The following STXBP5L variants were observed in gnomAD, a reference collection of about 807,000 sequenced individuals.
The protein encoded by STXBP5L is syntaxin-binding protein 5-like.
Under a neutral mutation model 144.5 loss-of-function variants are expected in STXBP5L, and 65 were observed. That is an observed-to-expected ratio of 0.45 (90% CI 0.37 to 0.55). The LOEUF (loss-of-function observed/expected upper bound fraction) is 0.55, where lower values mean the gene tolerates loss of function less well. Ranked by LOEUF, STXBP5L falls within the 20% of genes least tolerant of loss-of-function variation. The pLI is 0.00. For missense variants in STXBP5L, 1,298 were observed against 1,405.5 expected (o/e 0.92, Z 1.22); for synonymous variants, 505 against 469.6 (o/e 1.08, Z -0.97).
At chr3:121,080,433 G>T (rs1429992999) in intron 5 of STXBP5L, among the ~76,000 whole-genome samples, 1 of 151,802 alleles carries the variant, frequency 6.6e-6, no homozygotes, top group Non-Finnish European at 1.5e-5. Context: ...TGAGATTTAT[G>T]CTTTAAGGGG....
intron 3 of STXBP5L, among the ~76,000 whole-genome samples, chr3:121,036,772 A>ATTTTTTTTTTTTTTTTTTT (rs3863971): frequency 4.1e-5 from 5 of 122,226 alleles, no homozygotes; most frequent in Non-Finnish European, 6.7e-5. Context: ...ACATTGATTG[A>ATTTTTTTTTTTTTTTTTTT]TTTTTTTTTT....
chr3:121,229,062 T>C (rs572377526), intron 11 of STXBP5L, among the ~76,000 whole-genome samples: 58 of 152,290 alleles, frequency 3.8e-4, no homozygotes, highest in African/African-American at 1.4e-3. Flanking sequence ...TAAGTTCCCA[T>C]TCATGAACCT....
intron 5 of STXBP5L, among the ~76,000 whole-genome samples, chr3:121,088,125 A>C (rs1259659511): frequency 1.3e-5 from 2 of 151,544 alleles, no homozygotes; most frequent in African/African-American, 4.9e-5. Flanking sequence ...TCTGCACAGC[A>C]AAAGAAACTA....
intron 5 of STXBP5L, among the ~76,000 whole-genome samples, chr3:121,093,458 T>C (rs1224427954): frequency 2.0e-5 from 3 of 152,244 alleles, no homozygotes; most frequent in Non-Finnish European, 4.4e-5. Flanking sequence ...GCTCCTGTTA[T>C]TGGTCTATTC....
At chr3:121,268,021 C>T (rs906504183) in intron 18 of STXBP5L, among the ~76,000 whole-genome samples, 2 of 152,086 alleles carry the variant, frequency 1.3e-5, no homozygotes, top group African/African-American at 4.8e-5. Flanking sequence ...GGATCTCAAA[C>T]CAGAAATATT....
chr3:121,336,726 C>T (rs2044520006), intron 20 of STXBP5L, among the ~76,000 whole-genome samples: 1 of 152,136 alleles, frequency 6.6e-6, no homozygotes, highest in Admixed American at 6.5e-5. Flanking sequence ...ACACATCTAA[C>T]ATCTGACTCA....
At chr3:121,330,643 CA>C (rs2044293755) in intron 20 of STXBP5L, among the ~76,000 whole-genome samples, 1 of 152,196 alleles carries the variant, frequency 6.6e-6, no homozygotes, top group Non-Finnish European at 1.5e-5. Context: ...ATTACCACCA[CA>C]GCTGTTGCTC....
intron 8 of STXBP5L, among the ~76,000 whole-genome samples, chr3:121,154,703 C>T (rs953713636): frequency 8.6e-5 from 13 of 151,686 alleles, no homozygotes; most frequent in African/African-American, 1.4e-4. Context: ...CCTTTACCTC[C>T]CTCTTGAACT....
chr3:120,990,879 A>G (rs1942786117), intron 3 of STXBP5L, among the ~76,000 whole-genome samples: 2 of 152,364 alleles, frequency 1.3e-5, no homozygotes, highest in African/African-American at 2.4e-5. Flanking sequence ...TAAAAACCCT[A>G]GAAGAAAACC....
At chr3:121,235,864 C>T (rs985090777) in intron 12 of STXBP5L, among the ~76,000 whole-genome samples, 3 of 150,850 alleles carry the variant, frequency 2.0e-5, no homozygotes, top group African/African-American at 7.3e-5. Flanking sequence ...CACACACACA[C>T]TATATTCTCT....
At chr3:121,299,719 G>T (rs1458937547) in intron 19 of STXBP5L, among the ~76,000 whole-genome samples, 3 of 151,978 alleles carry the variant, frequency 2.0e-5, no homozygotes, top group African/African-American at 7.3e-5. Flanking sequence ...AGGCATGGTG[G>T]TTCATGCCTG....
chr3:121,078,399 T>A (rs953336994), intron 5 of STXBP5L, among the ~76,000 whole-genome samples: 2 of 152,222 alleles, frequency 1.3e-5, no homozygotes, highest in African/African-American at 4.8e-5. Context: ...AATTGGTGTG[T>A]TTACAATCCC....
In STXBP5L at chr3:121,259,048, A is replaced by C. The variant is rs1481296948; in HGVS notation, c.1838A>C (p.Lys613Thr). ...TKDSIPCLNV[K>T]TRPVRMPPGY... ...GATTGTTTTTGTTCTTAAAGTGTGA[A>C]GACACGGCCAGTGCGAATGCCTCCA... Residue 613 changes from lysine to threonine, a missense_variant, in exon 18 of 27, where the codon AAG becomes ACG. By Grantham distance (78) the Lys-to-Thr change is moderately conservative. Coordinates refer to ENST00000471454, the MANE Select transcript of STXBP5L (RefSeq NM_001308330.2). The C allele has an allele frequency of 1.9e-6, 3 of 1,593,190 alleles. No homozygotes were observed. Among genetic ancestry groups the C allele is most frequent in the African/African-American group, 2.7e-5 (2 of 74,194 alleles).
intron 3 of STXBP5L, among the ~76,000 whole-genome samples, chr3:121,009,704 C>CT (rs1553771584): frequency 6.6e-6 from 1 of 151,948 alleles, no homozygotes; most frequent in Non-Finnish European, 1.5e-5. Context: ...TATATATGAA[C>CT]TTAGTTGGGC....
In STXBP5L at chr3:120,970,769, T is replaced by A. The variant is rs114170481; in HGVS notation, c.287+15732T>A. Reference sequence around the variant, plus strand: ...TTTTTACATGTGCTTTCCAGGTCTTTTTCTTCGTGTCTCCTGAACACTGGC... The same window carrying A: ...TTTTTACATGTGCTTTCCAGGTCTTATTCTTCGTGTCTCCTGAACACTGGC... On this transcript the variant is annotated intron_variant, in intron 3 of 26. Coordinates refer to ENST00000471454, the MANE Select transcript of STXBP5L (RefSeq NM_001308330.2). 8.2e-3 allele frequency among the ~76,000 whole-genome samples: 1,251 copies of A among 152,260 alleles called. 22 individuals are homozygous for A. Among genetic ancestry groups the A allele is most frequent in the African/African-American group, 0.028 (1,170 of 41,562 alleles).
intron 12 of STXBP5L, among the ~76,000 whole-genome samples, chr3:121,238,182 A>AT (rs1168290153): frequency 1.1e-4 from 16 of 151,890 alleles, no homozygotes; most frequent in African/African-American, 2.7e-4. Flanking sequence ...CTAGTAATTT[A>AT]TTTTTTTTCA....
chr3:121,247,011 C>T (rs1166944677), intron 14 of STXBP5L, among the ~76,000 whole-genome samples: 1 of 152,102 alleles, frequency 6.6e-6, no homozygotes, highest in Non-Finnish European at 1.5e-5. Flanking sequence ...GTCAATGTGA[C>T]AACTGTGTAA....
At chr3:120,990,478 A>G (rs1942733441) in intron 3 of STXBP5L, among the ~76,000 whole-genome samples, 3 of 152,174 alleles carry the variant, frequency 2.0e-5, no homozygotes, top group Admixed American at 6.5e-5. Context: ...ATATGGAACC[A>G]AAAAAGAGCC....
intron 3 of STXBP5L, among the ~76,000 whole-genome samples, chr3:120,978,362 C>A (rs1277073396): frequency 6.6e-6 from 1 of 152,350 alleles, no homozygotes; most frequent in East Asian, 1.9e-4. Flanking sequence ...CTGCATTCTT[C>A]ACGTAGTTCT....
Sources: allele counts gnomAD v4.1 joint callset (sites outside exome capture counted in the v4.1 genomes callset), GRCh38; gene constraint gnomAD v4.1.1; transcripts MANE v1.5; gene names NCBI Gene and HGNC (gene_info 2026-07-23, HGNC 2026-07-21).